CD84: variants seen among roughly 807,000 people sequenced by gnomAD.
CD84 encodes SLAM family member 5.
A neutral mutation model predicts 33.8 loss-of-function variants in CD84; 22 were observed. The ratio of observed to expected loss-of-function variants is 0.65; its 90% confidence interval spans 0.46 to 0.93. CD84 has a LOEUF of 0.93. CD84 is among the 40% of genes least tolerant of loss of function. CD84 has a pLI of 0.00. For synonymous variants in CD84, 154 were observed against 145.2 expected, an observed-to-expected ratio of 1.06 and a Z score of -0.44; for missense variants, 400 against 397.6, an observed-to-expected ratio of 1.01 and a Z score of -0.05.
At chr1:160,564,407 T>C (rs1164078986) in intron 2 of CD84, among the ~76,000 whole-genome samples, 1 of 152,226 alleles carries the variant, frequency 6.6e-6, no homozygotes, top group African/African-American at 2.4e-5. Context: ...AATTACATTC[T>C]TGAGCATTTA....
chr1:160,579,010 C>T (rs150158112), intron 1 of CD84, among the ~76,000 whole-genome samples: 5 of 152,238 alleles, frequency 3.3e-5, no homozygotes, highest in East Asian at 1.9e-4. Flanking sequence ...CTCTCTCAAA[C>T]GCCATCACAA....
Position 160,554,018 on chromosome 1 carries a change from C to T in CD84, c.517G>A (p.Glu173Lys), listed in dbSNP as rs1571353118. 1.9e-6 allele frequency: 3 copies of T among 1,614,244 alleles called. No homozygotes were observed. Among genetic ancestry groups the T allele is most frequent in the Non-Finnish European group, 2.5e-6 (3 of 1,180,032 alleles). Reference protein sequence around the residue: ...NVTYNWSPLGEEGNVLQIFQT... With the variant: ...NVTYNWSPLGKEGNVLQIFQT... ...AAGATTTGAAGGACATTACCCTCTTCTCCCAGGGGACTCCAATTGTATGTC... is the reference window on the plus strand; with the variant it reads ...AAGATTTGAAGGACATTACCCTCTTTTCCCAGGGGACTCCAATTGTATGTC... Residue 173 changes from glutamate (E) to lysine (K), a missense_variant, in exon 3 of 7, where the codon GAA becomes AAA. By Grantham distance (56) the Glu-to-Lys change is moderately conservative. Transcript: ENST00000368054.
intron 1 of CD84, 130 bp downstream of exon 1, chr1:160,579,262 T>A (rs948541327): frequency 8.0e-7 from 1 of 1,244,902 alleles, no homozygotes; most frequent in African/African-American, 1.5e-5. Flanking sequence ...TCCTGTTGAG[T>A]ACAGTAGATA....
At chr1:160,576,904 G>A (rs933872665) in intron 1 of CD84, among the ~76,000 whole-genome samples, 2 of 152,158 alleles carry the variant, frequency 1.3e-5, no homozygotes, top group Admixed American at 1.3e-4. Flanking sequence ...ACAGGGAGTT[G>A]AAGAAATAGA....
chr1:160,549,576 G>A (rs1286747402), intron 6 of CD84, among the ~76,000 whole-genome samples: 4 of 152,188 alleles, frequency 2.6e-5, no homozygotes, highest in Admixed American at 1.3e-4. Context: ...TTTGCTCAGA[G>A]GGAAGCACCT....
rs779522964 is a variant in CD84 at position 160,553,313 on chromosome 1, A to G, written c.760+65T>C. The G allele has an allele frequency of 5.0e-6, 8 of 1,613,404 alleles. No homozygotes were observed. The Admixed American group carries it at 1.0e-4, about 20-fold the overall frequency. On this transcript the variant is annotated intron_variant, in intron 4 of 6. Coordinates refer to ENST00000368054, the MANE Select transcript of CD84 (RefSeq NM_003874.4). ...GGGCCTTTCAGCTAAACCTTGGATA[A>G]ATGGCTTCAGTCCCAGGAGGAGAGA...
rs960538 is a variant in CD84 at position 160,569,796 on chromosome 1, A to G, written c.47-4051T>C. On this transcript the variant is annotated intron_variant, in intron 1 of 6. Transcript: ENST00000368054. ...GTCCTCGGATCCTGAACAAAAGTTT[A>G]GAAGCAGAACCTGTGATGTTAATTG... Among the ~76,000 whole-genome samples, 934 of 152,286 alleles carry G rather than the reference A, an allele frequency of 6.1e-3. 48 individuals are homozygous for G. The South Asian group carries it at 0.12, about 20-fold the overall frequency.
Position 160,553,397 on chromosome 1 carries a change from A to G in CD84, c.741T>C (p.Arg247=). ...TCCTACCTTGTCTTCTCTTGAACAA[A>G]CGGAACAAAAACACTGAAGACAGAA... ...VLILSSVFLF[R]LFKRRQDAAS... Residue 247 remains arginine (R), a synonymous_variant, in exon 4 of 7, where the codon CGT becomes CGC. Transcript: ENST00000368054. 1 of 1,614,096 alleles carries G rather than the reference A, an allele frequency of 6.2e-7. No homozygotes were observed. The highest frequency in any genetic ancestry group is 1.1e-5 in the South Asian group (1 of 91,070).
Position 160,544,145 on chromosome 1 carries a change from C to CTTTTTTTTT in CD84, c.*4102_*4110dup, listed in dbSNP as rs34031902. On this transcript the variant is annotated 3_prime_UTR_variant, in exon 7 of 7. Coordinates refer to ENST00000368054, the MANE Select transcript of CD84 (RefSeq NM_003874.4). ...CCTCTTATTGTCTTTGTTCTTCAAA[C>CTTTTTTTTT]TTTTTTTTTTTTTTTTTTTTTTGAG... 1.1e-5 allele frequency: 1 copy of CTTTTTTTTT among 90,140 alleles called. No homozygotes were observed. Among genetic ancestry groups the CTTTTTTTTT allele is most frequent in the South Asian group, 4.0e-4 (1 of 2,528 alleles). The allele number at this position is 90,140 out of a possible 1,614,324, so 5.6% of individuals were successfully genotyped here.
intron 2 of CD84, 133 bp downstream of exon 2, chr1:160,565,271 T>A: frequency 4.8e-6 from 3 of 627,558 alleles, no homozygotes; most frequent in Non-Finnish European, 8.2e-6. Context: ...TAAGTATTGA[T>A]GTATCAATAT....
At position 160,542,933 on chromosome 1, in the gene CD84, A is replaced by G. The variant is rs1028449159; in HGVS notation, c.*5323T>C. ...GCACAGTTGTTTTTTTTAACCACTA[A>G]ATTGTTCAGCACAATTCCCCAAATT... On this transcript the variant is annotated 3_prime_UTR_variant, in exon 7 of 7. Coordinates refer to ENST00000368054, the MANE Select transcript of CD84 (RefSeq NM_003874.4). The G allele has an allele frequency of 2.6e-5, 4 of 152,072 alleles. No homozygotes were observed. Among genetic ancestry groups the G allele is most frequent in the Non-Finnish European group, 4.4e-5 (3 of 68,022 alleles). The allele number at this position is 152,072 out of a possible 1,614,324, so 9.4% of individuals were successfully genotyped here.
intron 2 of CD84, among the ~76,000 whole-genome samples, chr1:160,564,008 C>T (rs1557978895): frequency 6.6e-6 from 1 of 152,112 alleles, no homozygotes; most frequent in East Asian, 1.9e-4. Context: ...TTCATTCATT[C>T]ACAAAGGTCA....
chr1:160,557,241 G>A (rs905308882), intron 2 of CD84, among the ~76,000 whole-genome samples: 9 of 152,172 alleles, frequency 5.9e-5, no homozygotes, highest in Admixed American at 1.3e-4. Flanking sequence ...CAACATTAGC[G>A]TTCTTTCCGC....
Position 160,550,154 on chromosome 1 carries a change from G to T in CD84, c.859-175C>A, listed in dbSNP as rs371651322. ...CTGGAGAGGCTTAGGATCAGGAAGG[G>T]ATAAGGTGGGGGTGAATGGGTAGCA... On this transcript the variant is annotated intron_variant, in intron 5 of 6. Coordinates refer to ENST00000368054, the MANE Select transcript of CD84 (RefSeq NM_003874.4). Among the ~76,000 whole-genome samples the T allele has an allele frequency of 5.3e-5, 8 of 151,856 alleles. No homozygotes were observed. The South Asian group carries it at 1.2e-3, about 24-fold the overall frequency.
chr1:160,565,851 C>T, intron 1 of CD84, 106 bp from the exon 2 acceptor site: 1 of 900,172 alleles, frequency 1.1e-6, no homozygotes, highest in South Asian at 2.0e-5. Flanking sequence ...AAATGCAGTT[C>T]ACCCAGTTTC....
intron 2 of CD84, among the ~76,000 whole-genome samples, chr1:160,557,774 G>A (rs191698929): frequency 7.2e-4 from 109 of 152,248 alleles, no homozygotes; most frequent in Non-Finnish European, 1.1e-3. Context: ...AGGAGGGGGC[G>A]TCTGCCATCT....
chr1:160,550,873 G>C, intron 5 of CD84, 65 bp downstream of exon 5: 1 of 1,605,078 alleles, frequency 6.2e-7, no homozygotes, highest in Non-Finnish European at 8.5e-7. Flanking sequence ...AGAGGCAATG[G>C]CTGCCCATGA....
chr1:160,549,874 G>A (rs377213913), intron 6 of CD84, 43 bp downstream of exon 6: 48 of 1,451,942 alleles, frequency 3.3e-5, no homozygotes, highest in Non-Finnish European at 4.6e-5. Context: ...AGAATGGCTG[G>A]AAGAGTTAGG....
At chr1:160,552,532 A>C (rs1656302765) in intron 4 of CD84, among the ~76,000 whole-genome samples, 1 of 152,232 alleles carries the variant, frequency 6.6e-6, no homozygotes, top group African/African-American at 2.4e-5. Flanking sequence ...ATATTTTACA[A>C]CTGAGAAAAT....
Sources: allele counts gnomAD v4.1 joint callset (sites outside exome capture counted in the v4.1 genomes callset), GRCh38; gene constraint gnomAD v4.1.1; transcripts MANE v1.5; gene names NCBI Gene and HGNC (gene_info 2026-07-23, HGNC 2026-07-21).